The following PDSS2 variants were observed in gnomAD, a reference collection of about 807,000 sequenced individuals.
PDSS2 encodes the protein decaprenyl diphosphate synthase subunit 2, also known as all trans-polyprenyl-diphosphate synthase PDSS2.
PDSS2 carries 31 observed loss-of-function variants against 44.5 expected under a neutral mutation model. The ratio of observed to expected loss-of-function variants is 0.70; its 90% CI spans 0.52 to 0.94. The LOEUF (loss-of-function observed/expected upper bound fraction) is 0.94, where lower values mean the gene tolerates loss of function less well. Among genes scored for constraint, PDSS2 ranks in the 40% least tolerant of loss-of-function variants. The pLI, the probability that PDSS2 is intolerant of heterozygous loss-of-function variation, is 0.00. For missense variants in PDSS2, 452 were observed against 482.2 expected (o/e 0.94, Z 0.59); for synonymous variants, 157 against 180.3 (o/e 0.87, Z 1.03).
rs73762205 is a variant in PDSS2 at position 107,330,983 on chromosome 6, C to T, written c.431+3215G>A. ...CCAAACAAAAGAGATCACCTAACTC[C>T]CATTTGGTCCTTCAGGTAATTTACT... On this transcript the variant is annotated intron_variant, in intron 2 of 7. Transcript: ENST00000369037. Among the ~76,000 whole-genome samples, 582 of 152,250 alleles carry T rather than the reference C, an allele frequency of 3.8e-3. 8 individuals are homozygous for T. The highest frequency in any genetic ancestry group is 0.013 in the African/African-American group (544 of 41,552).
At chr6:107,343,724 A>G (rs1361445597) in intron 1 of PDSS2, among the ~76,000 whole-genome samples, 3 of 152,238 alleles carry the variant, frequency 2.0e-5, no homozygotes, top group Admixed American at 2.0e-4. Flanking sequence ...CCAAGGACAA[A>G]AACTAGAAAT....
intron 1 of PDSS2, among the ~76,000 whole-genome samples, chr6:107,446,836 G>A (rs993613893): frequency 2.6e-5 from 4 of 151,700 alleles, no homozygotes; most frequent in Non-Finnish European, 5.9e-5. Context: ...TGGGAATTAT[G>A]GGGATTACAG....
intron 1 of PDSS2, among the ~76,000 whole-genome samples, chr6:107,392,101 A>G (rs1779802697): frequency 6.6e-6 from 1 of 152,208 alleles, no homozygotes; most frequent in Admixed American, 6.5e-5. Context: ...AGACTCTTCT[A>G]TTATTAAAAA....
At chr6:107,168,399 C>T (rs1163286691) in intron 7 of PDSS2, among the ~76,000 whole-genome samples, 3 of 152,068 alleles carry the variant, frequency 2.0e-5, no homozygotes, top group Non-Finnish European at 4.4e-5. Context: ...TTCCTGAATA[C>T]AGCACACTGA....
chr6:107,268,404 AT>A (rs1313252326), intron 3 of PDSS2, among the ~76,000 whole-genome samples: 1 of 152,152 alleles, frequency 6.6e-6, no homozygotes, highest in African/African-American at 2.4e-5. Context: ...ATAAATATGT[AT>A]TTATTTCAAA....
intron 3 of PDSS2, among the ~76,000 whole-genome samples, chr6:107,249,792 AGT>A (rs1319803939): frequency 1.3e-5 from 2 of 152,198 alleles, no homozygotes; most frequent in Non-Finnish European, 2.9e-5. Context: ...GTAAATGGAC[AGT>A]GCATGTCTAG....
In PDSS2 at chr6:107,387,444, C is replaced by T. The variant is rs143045106; in HGVS notation, c.297-53112G>A. 1.8e-4 allele frequency among the ~76,000 whole-genome samples: 27 copies of T among 152,080 alleles called. No homozygotes were observed. The South Asian group carries it at 3.5e-3, about 20-fold the overall frequency. Reference sequence around the variant, plus strand: ...CCTTTAACTCTCATTTTTGCTGATACCATTATTTTTGTAGGAATAAGGGAG... The same window carrying T: ...CCTTTAACTCTCATTTTTGCTGATATCATTATTTTTGTAGGAATAAGGGAG... On this transcript the variant is annotated intron_variant, in intron 1 of 7. Coordinates refer to ENST00000369037, the MANE Select transcript of PDSS2 (RefSeq NM_020381.4).
At chr6:107,312,919 G>C (rs918009287) in intron 2 of PDSS2, among the ~76,000 whole-genome samples, 17 of 152,130 alleles carry the variant, frequency 1.1e-4, no homozygotes, top group African/African-American at 3.9e-4. Context: ...GAGTATCCTG[G>C]TCCTCAGAGA....
chr6:107,158,648 A>C (rs1562340007), intron 7 of PDSS2, among the ~76,000 whole-genome samples: 1 of 152,182 alleles, frequency 6.6e-6, no homozygotes, highest in Non-Finnish European at 1.5e-5. Context: ...AAAGGCACTA[A>C]AATGGTGCTG....
At chr6:107,159,990 C>T (rs1027328668) in intron 7 of PDSS2, among the ~76,000 whole-genome samples, 2 of 151,940 alleles carry the variant, frequency 1.3e-5, no homozygotes, top group South Asian at 2.1e-4. Context: ...CCTTGGAGGG[C>T]GGATCACTTG....
chr6:107,171,177 T>C (rs1406933749), intron 7 of PDSS2, among the ~76,000 whole-genome samples: 3 of 152,088 alleles, frequency 2.0e-5, no homozygotes, highest in African/African-American at 7.2e-5. Context: ...ACGCCTTTAT[T>C]TTGGAGACAG....
intron 1 of PDSS2, among the ~76,000 whole-genome samples, chr6:107,337,039 CCACACACACACACACA>C (rs71861456): frequency 6.4e-5 from 9 of 141,496 alleles, no homozygotes; most frequent in African/African-American, 1.9e-4. Context: ...CTTTCACATA[CCACACACACACACACA>C]CACACACACA....
intron 4 of PDSS2, among the ~76,000 whole-genome samples, chr6:107,236,216 G>A (rs1021687517): frequency 2.0e-5 from 3 of 152,066 alleles, no homozygotes; most frequent in Non-Finnish European, 4.4e-5. Context: ...AGACAATGAA[G>A]CAACATCTTT....
intron 3 of PDSS2, among the ~76,000 whole-genome samples, chr6:107,269,336 G>GTGTC (rs1208965404): frequency 2.5e-5 from 3 of 119,214 alleles, no homozygotes; most frequent in African/African-American, 9.3e-5. Flanking sequence ...CTCATTTCGT[G>GTGTC]TGTCTGTGTG....
At chr6:107,305,194 C>A (rs564760884) in intron 2 of PDSS2, among the ~76,000 whole-genome samples, 327 of 151,962 alleles carry the variant, frequency 2.2e-3, no homozygotes, top group African/African-American at 7.6e-3. Context: ...CATATTAACA[C>A]CATACCTTCT....
At chr6:107,181,369 C>T (rs1240554589) in intron 7 of PDSS2, among the ~76,000 whole-genome samples, 2 of 151,116 alleles carry the variant, frequency 1.3e-5, no homozygotes, top group African/African-American at 4.9e-5. Context: ...CCCGTCTCTA[C>T]TAAAAATACA....
At chr6:107,255,513 C>T (rs965667105) in intron 3 of PDSS2, among the ~76,000 whole-genome samples, 2 of 151,208 alleles carry the variant, frequency 1.3e-5, no homozygotes, top group African/African-American at 2.4e-5. Context: ...ACCCGGGAAT[C>T]GCTTGAACCC....
intron 1 of PDSS2, among the ~76,000 whole-genome samples, chr6:107,445,058 C>T (rs1583095375): frequency 6.6e-6 from 1 of 152,062 alleles, no homozygotes; most frequent in Non-Finnish European, 1.5e-5. Flanking sequence ...CAACAAAAGT[C>T]TAACCAATTC....
chr6:107,375,502 A>G (rs924956882), intron 1 of PDSS2, among the ~76,000 whole-genome samples: 6 of 152,246 alleles, frequency 3.9e-5, no homozygotes, highest in African/African-American at 1.4e-4. Context: ...ATTCCTTGAA[A>G]AACACTATCT....
Sources: gnomAD v4.1 joint callset for allele counts (sites outside exome capture counted in the v4.1 genomes callset) on GRCh38, gnomAD v4.1.1 for gene constraint, MANE v1.5 for transcripts, NCBI Gene and HGNC (gene_info 2026-07-23, HGNC 2026-07-21) for gene names.